The following SORCS1 variants were observed in gnomAD, a reference collection of about 807,000 sequenced individuals.
SORCS1 encodes the protein VPS10 domain-containing receptor SorCS1.
A neutral mutation model predicts 146.1 loss-of-function variants in SORCS1; 60 were observed. That is an observed-to-expected ratio of 0.41 (90% CI 0.33 to 0.51). The LOEUF (loss-of-function observed/expected upper bound fraction) is 0.51, where lower values mean the gene tolerates loss of function less well. SORCS1 is among the 20% of genes least tolerant of loss of function. The pLI, the probability that SORCS1 is intolerant of heterozygous loss-of-function variation, is 0.21. For synonymous variants in SORCS1, 637 were observed against 584.0 expected, an observed-to-expected ratio of 1.09 and a Z score of -1.31; for missense variants, 1,352 against 1,487.6, an observed-to-expected ratio of 0.91 and a Z score of 1.50.
At chr10:106,894,620 G>A (rs1951393016) in intron 2 of SORCS1, among the ~76,000 whole-genome samples, 1 of 151,760 alleles carries the variant, frequency 6.6e-6, no homozygotes, top group South Asian at 2.1e-4. Context: ...GGAAGATGAG[G>A]AACTGAGGAA....
chr10:106,903,828 A>G (rs938463154), intron 2 of SORCS1, among the ~76,000 whole-genome samples: 15 of 152,220 alleles, frequency 9.9e-5, no homozygotes, highest in Admixed American at 8.5e-4. Flanking sequence ...TGCAAATCTC[A>G]TAATTTATGT....
chr10:106,677,380 A>C lies in SORCS1; in HGVS notation c.1765T>G (p.Leu589Val). 1.9e-6 allele frequency: 3 copies of C among 1,614,000 alleles called. No individual in the cohort carries two copies. Among genetic ancestry groups the C allele is most frequent in the Non-Finnish European group, 1.7e-6 (2 of 1,179,886 alleles). The change falls in exon 13 of 26, where the codon TTG becomes GTG. Residue 589 changes from leucine to valine, a missense_variant. This residue lies in a region of SORCS1 where 648 missense variants were observed against 793.8 expected (regional missense o/e 0.82). Transcript: ENST00000263054. ...AGGACTCCACCTTGATCCAGGTACA[A>C]AACACTGTGCTCTTCTTCAAAGATC... is the stretch of plus-strand genomic sequence containing the variant. Reference protein sequence around the residue: ...RQIFEEEHSVLYLDQGGVLVA... With the variant: ...RQIFEEEHSVVYLDQGGVLVA...
intron 4 of SORCS1, among the ~76,000 whole-genome samples, chr10:106,767,912 C>T (rs575144636): frequency 6.6e-6 from 1 of 152,276 alleles, no homozygotes; most frequent in African/African-American, 2.4e-5. Context: ...CACAATTGTG[C>T]CTGTTCAAAT....
chr10:107,001,637 T>C (rs1186929746), intron 1 of SORCS1, among the ~76,000 whole-genome samples: 1 of 152,220 alleles, frequency 6.6e-6, no homozygotes, highest in Admixed American at 6.5e-5. Context: ...CTAATTTTTA[T>C]ATTTTTAGCA....
chr10:107,087,773 G>A lies in SORCS1; in HGVS notation c.558+76196C>T, dbSNP rs113218880. On this transcript the variant is annotated intron_variant, in intron 1 of 25. Transcript: ENST00000263054. ...TGTGGCAAAGATGGAATTAATAGCC[G>A]AGGAGGGAAAATAAATATCGGCTTA... Among the ~76,000 whole-genome samples, 292 of 152,336 alleles carry A rather than the reference G, an allele frequency of 1.9e-3. 1 individual carries two copies. The highest frequency in any genetic ancestry group is 6.0e-3 in the African/African-American group (248 of 41,582).
At chr10:107,075,410 A>C (rs1343567997) in intron 1 of SORCS1, among the ~76,000 whole-genome samples, 6 of 152,144 alleles carry the variant, frequency 3.9e-5, no homozygotes, top group Non-Finnish European at 7.4e-5. Flanking sequence ...TCTGAATCTC[A>C]CTTTCCTCTT....
At chr10:106,947,416 G>A (rs931954471) in intron 2 of SORCS1, among the ~76,000 whole-genome samples, 4 of 152,166 alleles carry the variant, frequency 2.6e-5, no homozygotes, top group Admixed American at 6.5e-5. Flanking sequence ...AAGATCTATC[G>A]GAAAGGTAAT....
intron 22 of SORCS1, among the ~76,000 whole-genome samples, chr10:106,611,697 G>A (rs1225954507): frequency 2.6e-5 from 4 of 152,218 alleles, no homozygotes; most frequent in Non-Finnish European, 4.4e-5. Context: ...ATGTTTGTCC[G>A]TGGTTCCATA....
At chr10:107,144,033 C>T (rs551618973) in intron 1 of SORCS1, among the ~76,000 whole-genome samples, 1 of 152,126 alleles carries the variant, frequency 6.6e-6, no homozygotes, top group Non-Finnish European at 1.5e-5. Flanking sequence ...ATTCTCCCTT[C>T]CTTTCATGGG....
intron 22 of SORCS1, among the ~76,000 whole-genome samples, chr10:106,609,924 G>A (rs1033087193): frequency 1.3e-5 from 2 of 152,198 alleles, no homozygotes; most frequent in Non-Finnish European, 2.9e-5. Context: ...CAGGTCCCTA[G>A]AATGCTGCAG....
In SORCS1 at chr10:106,677,225, A is replaced by AGAC. The variant is rs1007552649; in HGVS notation, c.1832+85_1832+87dup. On this transcript the variant is annotated intron_variant, in intron 13 of 25. Coordinates refer to ENST00000263054, the MANE Select transcript of SORCS1 (RefSeq NM_052918.5). ...TTGGTAACAGATTTACTACAGAAAC[A>AGAC]GACACGGTTTGATAGCCTGACTCCT... is the stretch of plus-strand genomic sequence containing the variant. 4.0e-6 allele frequency: 5 copies of AGAC among 1,238,374 alleles called. No homozygotes were observed. The African/African-American group carries it at 7.4e-5, about 18-fold the overall frequency. The allele number at this position is 1,238,374 out of a possible 1,614,324, so 76.7% of individuals were successfully genotyped here. A position where few individuals can be genotyped will look rare whatever the true frequency, so the allele number is the denominator to read the frequency against.
the SORCS1 span, among the ~76,000 whole-genome samples, chr10:107,176,307 CTCTTTCTT>C: frequency 1.1e-5 from 1 of 91,408 alleles, no homozygotes; most frequent in Non-Finnish European, 2.6e-5. Context: ...CTTCCTTTCT[CTCTTTCTT>C]TCTCTCTCTC....
chr10:107,052,001 C>T (rs1043140095), intron 1 of SORCS1, among the ~76,000 whole-genome samples: 1 of 152,046 alleles, frequency 6.6e-6, no homozygotes, highest in Non-Finnish European at 1.5e-5. Flanking sequence ...GCAAAGTCAC[C>T]CTAAATGGAC....
At chr10:106,646,658 C>T (rs550637354) in intron 18 of SORCS1, among the ~76,000 whole-genome samples, 1 of 152,126 alleles carries the variant, frequency 6.6e-6, no homozygotes, top group South Asian at 2.1e-4. Flanking sequence ...GATCTTGCCA[C>T]TGCACTCCAG....
chr10:106,840,859 ATATAT>A (rs1231738097), intron 2 of SORCS1, among the ~76,000 whole-genome samples: 24 of 106,764 alleles, frequency 2.2e-4, no homozygotes, highest in African/African-American at 8.3e-4. Flanking sequence ...ATATATATAT[ATATAT>A]TTTTTTTTTT....
chr10:107,012,000 A>AT (rs1454760515), intron 1 of SORCS1, among the ~76,000 whole-genome samples: 1 of 152,180 alleles, frequency 6.6e-6, no homozygotes, highest in Non-Finnish European at 1.5e-5. Context: ...CTGTTTTATC[A>AT]TTTTTTTAGT....
chr10:106,913,151 C>T (rs1007038608), intron 2 of SORCS1, among the ~76,000 whole-genome samples: 1 of 151,926 alleles, frequency 6.6e-6, no homozygotes, highest in African/African-American at 2.4e-5. Context: ...AAACAAACTC[C>T]TCCATGTCAA....
intron 18 of SORCS1, among the ~76,000 whole-genome samples, chr10:106,642,502 A>G (rs1448907595): frequency 1.3e-5 from 2 of 152,232 alleles, no homozygotes; most frequent in Non-Finnish European, 2.9e-5. Flanking sequence ...AAGTAAATTC[A>G]GAAGGATCAA....
intron 3 of SORCS1, among the ~76,000 whole-genome samples, chr10:106,810,985 G>C (rs1395540565): frequency 6.6e-6 from 1 of 150,710 alleles, no homozygotes; most frequent in African/African-American, 2.5e-5. Flanking sequence ...CTGTCGCCCA[G>C]GCTGGAGTGC....
Sources: allele counts gnomAD v4.1 joint callset (sites outside exome capture counted in the v4.1 genomes callset), GRCh38; gene constraint gnomAD v4.1.1; regional missense constraint gnomAD v4.1.1; transcripts MANE v1.5; gene names NCBI Gene and HGNC (gene_info 2026-07-23, HGNC 2026-07-21).